Variants in FTO observed in about 807,000 individuals in gnomAD.
FTO encodes alpha-ketoglutarate-dependent dioxygenase FTO.
A neutral mutation model predicts 63.9 loss-of-function variants in FTO; 47 were observed. The ratio of observed to expected loss-of-function variants is 0.74; its 90% confidence interval spans 0.58 to 0.94. FTO has a LOEUF of 0.94. FTO is among the 40% of genes least tolerant of loss of function. The probability of loss-of-function intolerance (pLI) is 0.00; values close to 1 mark genes in which losing one functional copy is unlikely to be tolerated. For missense variants in FTO, 562 were observed against 618.1 expected (o/e 0.91, Z 0.96); for synonymous variants, 207 against 224.4 (o/e 0.92, Z 0.69).
intron 4 of FTO, among the ~76,000 whole-genome samples, chr16:53,860,881 AACACACACACACACAC>A (rs35826323): frequency 1.2e-3 from 169 of 145,834 alleles, no homozygotes; most frequent in African/African-American, 3.8e-3. Context: ...AAATGTTTTT[AACACACACACACACAC>A]ACACACACAC....
At chr16:53,814,794 A>C (rs2078627960) in intron 2 of FTO, 1 of 152,182 alleles carries the variant, frequency 6.6e-6, no homozygotes, top group African/African-American at 2.4e-5. Flanking sequence ...ATTCATATTC[A>C]TTAAGTTACT....
chr16:54,084,392 C>A (rs1007961008), intron 8 of FTO, among the ~76,000 whole-genome samples: 1 of 152,114 alleles, frequency 6.6e-6, no homozygotes, highest in Non-Finnish European at 1.5e-5. Flanking sequence ...GGCTGGCCTA[C>A]GTACAGATTG....
chr16:53,991,400 A>T (rs1278094058), intron 8 of FTO: 1 of 152,226 alleles, frequency 6.6e-6, no homozygotes, highest in African/African-American at 2.4e-5. Context: ...AGTCTCTGCC[A>T]TGATGGCCGG....
chr16:53,713,260 T>G (rs749432676), intron 1 of FTO, among the ~76,000 whole-genome samples: 11 of 152,244 alleles, frequency 7.2e-5, no homozygotes, highest in Non-Finnish European at 1.5e-4. Context: ...TCAAGTGTTC[T>G]CTTCCAATTT....
intron 2 of FTO, among the ~76,000 whole-genome samples, chr16:53,810,902 T>C (rs905930126): frequency 2.6e-5 from 4 of 152,210 alleles, no homozygotes; most frequent in Admixed American, 2.0e-4. Flanking sequence ...TCTGAGAGCA[T>C]AGCAGGACTC....
chr16:54,050,650 C>G (rs1303829866), intron 8 of FTO, among the ~76,000 whole-genome samples: 1 of 152,144 alleles, frequency 6.6e-6, no homozygotes, highest in African/African-American at 2.4e-5. Flanking sequence ...CGTTTCCTCC[C>G]TGCATGGTAT....
chr16:53,900,432 G>A (rs773507469), intron 7 of FTO, among the ~76,000 whole-genome samples: 17 of 152,016 alleles, frequency 1.1e-4, no homozygotes, highest in Non-Finnish European at 2.4e-4. Context: ...TTTTAAATCT[G>A]AAAATTCAGA....
At chr16:53,907,683 TACC>T (rs1327589167) in intron 7 of FTO, among the ~76,000 whole-genome samples, 1 of 152,186 alleles carries the variant, frequency 6.6e-6, no homozygotes, top group African/African-American at 2.4e-5. Flanking sequence ...CCTGTATTCC[TACC>T]ACAATGGCCC....
intron 5 of FTO, among the ~76,000 whole-genome samples, chr16:53,877,066 A>G (rs2080677177): frequency 6.6e-6 from 1 of 152,258 alleles, no homozygotes; most frequent in Non-Finnish European, 1.5e-5. Flanking sequence ...AGAATAAAAA[A>G]GACAGTGACA....
intron 2 of FTO, among the ~76,000 whole-genome samples, chr16:53,821,664 G>A (rs1470369155): frequency 6.6e-6 from 1 of 152,092 alleles, no homozygotes; most frequent in Non-Finnish European, 1.5e-5. Context: ...GAGAAGCAGG[G>A]CAGTCCTACC....
chr16:53,798,064 T>C (rs551202672), intron 1 of FTO, among the ~76,000 whole-genome samples: 7 of 152,286 alleles, frequency 4.6e-5, no homozygotes, highest in African/African-American at 1.4e-4. Flanking sequence ...AAGTACTATT[T>C]GTTAGGACTC....
chr16:53,881,609 A>G (rs1023102443), intron 6 of FTO, among the ~76,000 whole-genome samples: 2 of 152,200 alleles, frequency 1.3e-5, no homozygotes, highest in African/African-American at 4.8e-5. Context: ...CACTGATGAA[A>G]TCAGTTGCAA....
intron 7 of FTO, among the ~76,000 whole-genome samples, chr16:53,917,682 T>C (rs2081905087): frequency 6.6e-6 from 1 of 150,780 alleles, no homozygotes; most frequent in African/African-American, 2.4e-5. Flanking sequence ...GAATTCCTAT[T>C]TGAGAGCCAT....
At chr16:53,710,380 C>T (rs1036142827) in intron 1 of FTO, among the ~76,000 whole-genome samples, 39 of 151,844 alleles carry the variant, frequency 2.6e-4, no homozygotes, top group Admixed American at 1.2e-3. Context: ...ATTCTTCTGC[C>T]TCAGCCTCCT....
chr16:53,712,112 C>T (rs2075789320), intron 1 of FTO, among the ~76,000 whole-genome samples: 1 of 152,056 alleles, frequency 6.6e-6, no homozygotes, highest in African/African-American at 2.4e-5. Flanking sequence ...ATAACAATAA[C>T]TCAACAAAAG....
rs140250068 is a variant in FTO, at chr16:53,909,659, G to A, written c.1239+20708G>A. 4.9e-3 allele frequency among the ~76,000 whole-genome samples: 730 copies of A among 149,304 alleles called. 8 individuals carry two copies. The highest frequency in any genetic ancestry group is 0.017 in the African/African-American group (664 of 40,212). ...GCTCACTGCAGCCTCCGCCTCCCAGGTTCAAGCGATTCTTCTGCCTCAGCT... is the reference window on the plus strand; with the variant it reads ...GCTCACTGCAGCCTCCGCCTCCCAGATTCAAGCGATTCTTCTGCCTCAGCT... On this transcript the variant is annotated intron_variant, in intron 7 of 8. Coordinates refer to ENST00000471389, the MANE Select transcript of FTO (RefSeq NM_001080432.3).
At chr16:54,041,720 T>C (rs868359617) in intron 8 of FTO, among the ~76,000 whole-genome samples, 1 of 152,126 alleles carries the variant, frequency 6.6e-6, no homozygotes, top group Admixed American at 6.5e-5. Context: ...ATTAGCTAAA[T>C]GGTAATTATG....
intron 6 of FTO, among the ~76,000 whole-genome samples, chr16:53,882,662 G>C (rs769000271): frequency 6.6e-6 from 1 of 152,204 alleles, no homozygotes; most frequent in Non-Finnish European, 1.5e-5. Flanking sequence ...CTGGGGAGCA[G>C]CAGATTGTAT....
chr16:54,020,479 G>A (rs2084564578), intron 8 of FTO, among the ~76,000 whole-genome samples: 1 of 152,142 alleles, frequency 6.6e-6, no homozygotes. Context: ...TACAACATAA[G>A]TACATGCTCT....
Sources: allele counts gnomAD v4.1 joint callset (sites outside exome capture counted in the v4.1 genomes callset), GRCh38; gene constraint gnomAD v4.1.1; transcripts MANE v1.5; gene names NCBI Gene and HGNC (gene_info 2026-07-23, HGNC 2026-07-21).